The following PLCB1 variants were observed in gnomAD, a reference collection of about 807,000 sequenced individuals.
PLCB1 encodes phospholipase C beta 1, also known as 1-phosphatidylinositol 4,5-bisphosphate phosphodiesterase beta-1.
PLCB1 carries 46 observed loss-of-function variants against 161.8 expected under a neutral mutation model. The ratio of observed to expected loss-of-function variants is 0.28; its 90% CI spans 0.22 to 0.36. The LOEUF is 0.36. Ranked by LOEUF, PLCB1 falls within the 10% of genes least tolerant of loss-of-function variation. The pLI is 1.00. For synonymous variants in PLCB1, 517 were observed against 503.7 expected (o/e 1.03, Z -0.35); for missense variants, 1,016 against 1,472.5 (o/e 0.69, Z 5.07).
rs180760248 is a variant in PLCB1 at position 8,324,869 on chromosome 20, G to T, written c.178-46513G>T. ...AGGGAAACATAAACTAAGGCAGGGT[G>T]ATTGCAGTTCTGGGTATTTGAAAGA... On this transcript the variant is annotated intron_variant, in intron 2 of 31. Coordinates refer to ENST00000338037, the MANE Select transcript of PLCB1 (RefSeq NM_015192.4). Among the ~76,000 whole-genome samples the T allele has an allele frequency of 7.9e-5, 12 of 152,326 alleles. No individual in the cohort carries two copies. The East Asian group carries it at 2.3e-3, about 29-fold the overall frequency.
At chr20:8,194,051 A>T (rs547959825) in intron 2 of PLCB1, among the ~76,000 whole-genome samples, 2 of 152,120 alleles carry the variant, frequency 1.3e-5, no homozygotes, top group Admixed American at 1.3e-4. Flanking sequence ...GGGTGATACT[A>T]TGGTGCCAAC....
At chr20:8,798,577 C>T (rs75023189) in intron 31 of PLCB1, among the ~76,000 whole-genome samples, 1 of 10,884 alleles carries the variant, frequency 9.2e-5, no homozygotes. Context: ...CACACATACA[C>T]ACACACACAC....
intron 31 of PLCB1, among the ~76,000 whole-genome samples, chr20:8,863,738 G>C (rs2146316203): frequency 6.6e-6 from 1 of 152,282 alleles, no homozygotes; most frequent in African/African-American, 2.4e-5. Context: ...AAGAGGCCTT[G>C]ATTTTCAATC....
intron 25 of PLCB1, among the ~76,000 whole-genome samples, chr20:8,761,515 G>T (rs963980843): frequency 2.0e-5 from 3 of 152,120 alleles, no homozygotes; most frequent in Non-Finnish European, 4.4e-5. Context: ...AACAAAACAT[G>T]GTTTGGTTTT....
At chr20:8,691,814 G>A (rs1167192648) in intron 10 of PLCB1, among the ~76,000 whole-genome samples, 1 of 152,124 alleles carries the variant, frequency 6.6e-6, no homozygotes, top group Non-Finnish European at 1.5e-5. Context: ...TAGATGCACT[G>A]AATGAGTGGT....
intron 3 of PLCB1, among the ~76,000 whole-genome samples, chr20:8,613,174 C>T (rs1452488783): frequency 6.6e-6 from 1 of 152,178 alleles, no homozygotes; most frequent in African/African-American, 2.4e-5. Context: ...CCAATACTGT[C>T]CAATACCATG....
In PLCB1 at chr20:8,439,009, G is replaced by A. The variant is rs576799588; in HGVS notation, c.246+67559G>A. 5.9e-5 allele frequency among the ~76,000 whole-genome samples: 9 copies of A among 152,250 alleles called. 1 individual carries two copies. Among genetic ancestry groups the A allele is most frequent in the African/African-American group, 1.4e-4 (6 of 41,540 alleles). On this transcript the variant is annotated intron_variant, in intron 3 of 31. Coordinates refer to ENST00000338037, the MANE Select transcript of PLCB1 (RefSeq NM_015192.4). ...GAAGGAGAGTCAGCGACGTGCTCTC[G>A]TAAGGTCATCTTAGAAGACCACTCT...
intron 18 of PLCB1, among the ~76,000 whole-genome samples, chr20:8,732,392 T>A (rs1980300523): frequency 6.6e-6 from 1 of 151,930 alleles, no homozygotes; most frequent in Admixed American, 6.6e-5. Flanking sequence ...CAGGAATTCC[T>A]CTCATAAGAA....
chr20:8,605,605 G>GTT (rs1340929182), intron 3 of PLCB1, among the ~76,000 whole-genome samples: 9 of 91,726 alleles, frequency 9.8e-5, no homozygotes, highest in Non-Finnish European at 7.0e-5. Flanking sequence ...TATGTTTGGT[G>GTT]TTTTCTTTTT....
intron 2 of PLCB1, among the ~76,000 whole-genome samples, chr20:8,341,350 C>T (rs1213713155): frequency 6.6e-6 from 1 of 152,144 alleles, no homozygotes; most frequent in African/African-American, 2.4e-5. Context: ...TCCATTATAA[C>T]TGTTGTCCGC....
intron 3 of PLCB1, among the ~76,000 whole-genome samples, chr20:8,513,965 G>T (rs372023384): frequency 1.3e-5 from 2 of 151,960 alleles, no homozygotes; most frequent in East Asian, 2.0e-4. Context: ...GGTTGAGGCT[G>T]CAGTGAGCCA....
chr20:8,413,966 C>G (rs956222624), intron 3 of PLCB1, among the ~76,000 whole-genome samples: 1 of 152,102 alleles, frequency 6.6e-6, no homozygotes, highest in East Asian at 1.9e-4. Context: ...TCCAGAAAGC[C>G]TGTTTATCAT....
intron 2 of PLCB1, among the ~76,000 whole-genome samples, chr20:8,236,031 C>A (rs758588636): frequency 1.4e-4 from 21 of 151,978 alleles, no homozygotes; most frequent in Non-Finnish European, 2.4e-4. Flanking sequence ...ACTACAAATT[C>A]AGTTAAAGTT....
intron 2 of PLCB1, among the ~76,000 whole-genome samples, chr20:8,164,197 G>C (rs373843239): frequency 6.6e-6 from 1 of 152,116 alleles, no homozygotes; most frequent in Non-Finnish European, 1.5e-5. Context: ...AAGGATTTTC[G>C]TGTCGAATTG....
chr20:8,365,293 A>C (rs962182037), intron 2 of PLCB1, among the ~76,000 whole-genome samples: 1 of 152,198 alleles, frequency 6.6e-6, no homozygotes, highest in African/African-American at 2.4e-5. Flanking sequence ...TACTTCTATG[A>C]AATTTGCACT....
intron 31 of PLCB1, among the ~76,000 whole-genome samples, chr20:8,811,131 G>A (rs996480966): frequency 2.6e-5 from 4 of 152,210 alleles, no homozygotes; most frequent in African/African-American, 9.7e-5. Flanking sequence ...GTCTAAAGTT[G>A]GTGAATGCTA....
At chr20:8,400,421 T>C (rs1335147874) in intron 3 of PLCB1, among the ~76,000 whole-genome samples, 1 of 152,176 alleles carries the variant, frequency 6.6e-6, no homozygotes, top group South Asian at 2.1e-4. Flanking sequence ...TGGGTAGCAG[T>C]GGAATTGGTC....
At chr20:8,811,950 C>T (rs1459693597) in intron 31 of PLCB1, among the ~76,000 whole-genome samples, 2 of 152,132 alleles carry the variant, frequency 1.3e-5, no homozygotes, top group Non-Finnish European at 1.5e-5. Context: ...CCAGCAAGGT[C>T]GAGTCATAGC....
chr20:8,274,558 C>G (rs1354941801), intron 2 of PLCB1, among the ~76,000 whole-genome samples: 1 of 151,780 alleles, frequency 6.6e-6, no homozygotes, highest in African/African-American at 2.4e-5. Context: ...TTAGTACTAG[C>G]ACTATATTTA....
Sources: gnomAD v4.1 joint callset for allele counts (sites outside exome capture counted in the v4.1 genomes callset) on GRCh38, gnomAD v4.1.1 for gene constraint, MANE v1.5 for transcripts, NCBI Gene and HGNC (gene_info 2026-07-23, HGNC 2026-07-21) for gene names.